Variants in PCDHGA4 observed in about 807,000 individuals in gnomAD.
PCDHGA4 encodes protocadherin gamma-A4.
In PCDHGA4, 38 loss-of-function variants were observed where a neutral mutation model predicts 54.6. That is an observed-to-expected ratio of 0.70 (90% CI 0.54 to 0.91). The LOEUF (loss-of-function observed/expected upper bound fraction) is 0.91, where lower values mean the gene tolerates loss of function less well. PCDHGA4 is among the 40% of genes least tolerant of loss of function. The pLI is 0.00. For missense variants in PCDHGA4, 1,298 were observed against 1,220.9 expected, an observed-to-expected ratio of 1.06 and a Z score of -0.94; for synonymous variants, 511 against 512.9, an observed-to-expected ratio of 1.00 and a Z score of 0.05.
intron 1 of PCDHGA4, chr5:141,404,658 C>A: frequency 6.2e-7 from 1 of 1,614,198 alleles, no homozygotes; most frequent in Non-Finnish European, 8.5e-7. Flanking sequence ...GCCCTCCCCA[C>A]TGATGGTTCT....
rs745537699 is a variant in PCDHGA4, at chr5:141,357,586, G to T, written c.2479G>T (p.Asp827Tyr). 1.9e-6 allele frequency: 3 copies of T among 1,614,126 alleles called. No homozygotes were observed. The highest frequency in any genetic ancestry group is 4.5e-5 in the East Asian group (2 of 44,884). ...EKSEPLLITQ[D>Y]LLETKGDPNL... ...AAGCGAGCCTCTTCTGATAACTCAGGATTTACTTGAAACAAAAGGAGACCC... is the reference window on the plus strand; with the variant it reads ...AAGCGAGCCTCTTCTGATAACTCAGTATTTACTTGAAACAAAAGGAGACCC... The change falls in exon 1 of 4, where the codon GAT becomes TAT. Residue 827 changes from aspartate (D) to tyrosine (Y), a missense_variant. Physicochemically the swap from Asp to Tyr is radical, Grantham distance 160. Transcript: ENST00000571252.
intron 1 of PCDHGA4, chr5:141,382,870 C>A (rs760530453): frequency 2.0e-6 from 3 of 1,519,788 alleles, no homozygotes; most frequent in East Asian, 4.5e-5. Flanking sequence ...TTCCCGAGAT[C>A]GGCGCCTAAG....
chr5:141,462,872 AG>A (rs1254807813), intron 1 of PCDHGA4, among the ~76,000 whole-genome samples: 54 of 152,272 alleles, frequency 3.5e-4, no homozygotes, highest in Middle Eastern at 6.8e-3. Flanking sequence ...TCTTTCTTTA[AG>A]AACTATTGCA....
chr5:141,397,571 A>G (rs1205930640), intron 1 of PCDHGA4, among the ~76,000 whole-genome samples: 1 of 152,224 alleles, frequency 6.6e-6, no homozygotes, highest in East Asian at 1.9e-4. Flanking sequence ...GAGAGCAAGA[A>G]CTGTATCATA....
At chr5:141,460,993 A>T (rs1230217075) in intron 1 of PCDHGA4, among the ~76,000 whole-genome samples, 1 of 143,898 alleles carries the variant, frequency 6.9e-6, no homozygotes, top group South Asian at 2.2e-4. Flanking sequence ...GTATATATAT[A>T]TATGTGTATA....
intron 1 of PCDHGA4, chr5:141,400,544 A>G (rs1436586530): frequency 6.2e-7 from 1 of 1,613,568 alleles, no homozygotes; most frequent in Non-Finnish European, 8.5e-7. Flanking sequence ...ATTTATGTCT[A>G]TTCTTTTTCA....
intron 1 of PCDHGA4, chr5:141,413,647 C>T (rs1371772412): frequency 1.2e-6 from 2 of 1,613,880 alleles, no homozygotes; most frequent in Non-Finnish European, 1.7e-6. Context: ...GCGTTTTCCT[C>T]TCCCGGAAGC....
intron 1 of PCDHGA4, chr5:141,371,393 A>G (rs1227716102): frequency 5.6e-6 from 9 of 1,613,910 alleles, no homozygotes; most frequent in Admixed American, 5.0e-5. Flanking sequence ...ATTGTAAAGT[A>G]CAGATAGATA....
At chr5:141,369,272 AT>A (rs1346533698) in intron 1 of PCDHGA4, among the ~76,000 whole-genome samples, 2 of 152,200 alleles carry the variant, frequency 1.3e-5, no homozygotes, top group Non-Finnish European at 2.9e-5. Flanking sequence ...AGGACTTACA[AT>A]TCACTCCCCA....
Position 141,356,242 on chromosome 5 carries a change from A to G in PCDHGA4, c.1135A>G (p.Thr379Ala). 7 of 1,582,740 alleles carry G rather than the reference A, an allele frequency of 4.4e-6. No homozygotes were observed. The highest frequency in any genetic ancestry group is 5.2e-6 in the Non-Finnish European group (6 of 1,163,680). The part of the protein sequence containing the change: ...LDENDNAPEV[T>A]VTSLTSSVQE... Reference sequence around the variant, plus strand: ...TGAAAATGACAACGCACCAGAAGTCACAGTTACATCTCTCACCAGCTCAGT... The same window carrying G: ...TGAAAATGACAACGCACCAGAAGTCGCAGTTACATCTCTCACCAGCTCAGT... The change falls in exon 1 of 4, where the codon ACA becomes GCA. Residue 379 changes from threonine (T) to alanine (A), a missense_variant. Coordinates refer to ENST00000571252, the MANE Select transcript of PCDHGA4 (RefSeq NM_018917.4).
rs2099401367 is a variant in PCDHGA4 at position 141,476,906 on chromosome 5, G to C, written c.2515-17901G>C. ...GGATGCACCCTCCGGCACGCGCGTG[G>C]TACAAGTCCTTGCAACGGATCTGGA... is the stretch of plus-strand genomic sequence containing the variant. On this transcript the variant is annotated intron_variant, in intron 1 of 3. Coordinates refer to ENST00000571252, the MANE Select transcript of PCDHGA4 (RefSeq NM_018917.4). The surrounding 1 kb of genome is among the most constrained non-coding windows in gnomAD (Gnocchi z 7.6). 2 of 1,614,050 alleles carry C rather than the reference G, an allele frequency of 1.2e-6. No homozygotes were observed. The highest frequency in any genetic ancestry group is 1.7e-6 in the Non-Finnish European group (2 of 1,180,044).
At chr5:141,504,545 TGTTGGGGG>T in intron 2 of PCDHGA4, among the ~76,000 whole-genome samples, 1 of 151,524 alleles carries the variant, frequency 6.6e-6, no homozygotes, top group South Asian at 2.1e-4. Flanking sequence ...TCATGGCAAA[TGTTGGGGG>T]ACTGGCATTC....
rs759576434 is a variant in PCDHGA4 at position 141,432,109 on chromosome 5, G to C, written c.2515-62698G>C. Reference sequence around the variant, plus strand: ...TGGCAGACACCAACGACAACCCGCCGGTCTTCCCTCAGGCCTCCTATTCCG... The same window carrying C: ...TGGCAGACACCAACGACAACCCGCCCGTCTTCCCTCAGGCCTCCTATTCCG... On this transcript the variant is annotated intron_variant, in intron 1 of 3. Transcript: ENST00000571252. The surrounding 1 kb of genome is among the most constrained non-coding windows in gnomAD (Gnocchi z 6.0). 9 of 1,613,972 alleles carry C rather than the reference G, an allele frequency of 5.6e-6. No homozygotes were observed. In the African/African-American group the frequency reaches 9.3e-5, roughly 17 times the overall value.
intron 1 of PCDHGA4, among the ~76,000 whole-genome samples, chr5:141,402,328 A>G (rs1589453798): frequency 6.6e-6 from 1 of 152,000 alleles, no homozygotes; most frequent in Non-Finnish European, 1.5e-5. Context: ...ACATTTACAA[A>G]TATATAGGTA....
intron 1 of PCDHGA4, chr5:141,389,451 C>T: frequency 6.2e-7 from 1 of 1,610,536 alleles, no homozygotes; most frequent in South Asian, 1.1e-5. Context: ...CCACGAGCAG[C>T]TGCGCGCCTT....
chr5:141,407,505 T>TTTTTTTTTTTTTTTTTGAGACGG (rs1460306566), intron 1 of PCDHGA4, among the ~76,000 whole-genome samples: 2 of 152,146 alleles, frequency 1.3e-5, no homozygotes, highest in African/African-American at 4.8e-5. Flanking sequence ...CTGTTTTTCT[T>TTTTTTTTTTTTTTTTTGAGACGG]AGGCTATGTA....
intron 1 of PCDHGA4, chr5:141,423,721 T>C (rs2096769391): frequency 8.3e-7 from 1 of 1,208,140 alleles, no homozygotes; most frequent in East Asian, 3.8e-5. Flanking sequence ...TTTAAGGAGA[T>C]GTTTTTTGAG....
chr5:141,434,948 T>C (rs1486185815), intron 1 of PCDHGA4, among the ~76,000 whole-genome samples: 1 of 151,828 alleles, frequency 6.6e-6, no homozygotes, highest in East Asian at 1.9e-4. Flanking sequence ...ATATAATTTA[T>C]TAACAATTTA....
chr5:141,427,149 A>G (rs1303323489), intron 1 of PCDHGA4: 1 of 456,850 alleles, frequency 2.2e-6, no homozygotes, highest in Non-Finnish European at 4.4e-6. Context: ...TATTGGAAAT[A>G]TGTTTGTGCT....
Sources: gnomAD v4.1 joint callset for allele counts (sites outside exome capture counted in the v4.1 genomes callset) on GRCh38, gnomAD v4.1.1 for gene constraint, Gnocchi (gnomAD v3.1) non-coding constraint, MANE v1.5 for transcripts, NCBI Gene and HGNC (gene_info 2026-07-23, HGNC 2026-07-21) for gene names.